Variants in PKP2 observed in about 807,000 individuals in gnomAD.
PKP2 encodes plakophilin-2.
Under a neutral mutation model 83.4 loss-of-function variants are expected in PKP2, and 73 were observed. That is an observed-to-expected ratio of 0.88 (90% CI 0.72 to 1.06). PKP2 has a LOEUF of 1.06. Among genes scored for constraint, PKP2 ranks in the 50% least tolerant of loss-of-function variants. The pLI is 0.00. For missense variants in PKP2, 966 were observed against 1,065.4 expected (o/e 0.91, Z 1.30); for synonymous variants, 409 against 430.4 (o/e 0.95, Z 0.62).
Position 32,796,308 on chromosome 12 carries a change from G to GA in PKP2, c.2168-11dup, listed in dbSNP as rs746936605. On this transcript the variant is annotated splice_polypyrimidine_tract_variant and intron_variant, in intron 10 of 12. Transcript: ENST00000340811. Reference sequence around the variant, plus strand: ...GGGAGAGTTTCTTTGGCTACAAAATGAAAAAAAAAACAAAACACTTGATTA... The same window carrying GA: ...GGGAGAGTTTCTTTGGCTACAAAATGAAAAAAAAAAACAAAACACTTGATTA... 21,569 of 1,299,552 alleles carry GA rather than the reference G, an allele frequency of 0.017. No individual in the cohort carries two copies. The highest frequency in any genetic ancestry group is 0.02 in the Non-Finnish European group (18,539 of 950,338). The allele number at this position is 1,299,552 out of a possible 1,614,324, so 80.5% of individuals were successfully genotyped here.
intron 4 of PKP2, among the ~76,000 whole-genome samples, chr12:32,855,707 C>G (rs1341651396): frequency 3.0e-5 from 4 of 135,476 alleles, no homozygotes; most frequent in Non-Finnish European, 6.1e-5. Flanking sequence ...ACCCGGGAGG[C>G]AGAGGTTGCA....
intron 2 of PKP2, 95 bp from the exon 3 acceptor site, chr12:32,878,638 G>T: frequency 9.8e-7 from 1 of 1,016,480 alleles, no homozygotes; most frequent in Non-Finnish European, 1.5e-6. Context: ...CAACATGTCC[G>T]TTTCTCTGAA....
intron 6 of PKP2, among the ~76,000 whole-genome samples, chr12:32,834,382 G>A (rs1328796433): frequency 1.3e-5 from 2 of 152,212 alleles, no homozygotes; most frequent in Admixed American, 1.3e-4. Flanking sequence ...GGCTGGACTA[G>A]CTAGCTGTCA....
chr12:32,846,266 C>T (rs937760115), intron 5 of PKP2, among the ~76,000 whole-genome samples: 4 of 151,954 alleles, frequency 2.6e-5, no homozygotes, highest in Admixed American at 6.6e-5. Context: ...TAAGATGTGC[C>T]GTTCTCATTT....
At position 32,878,750 on chromosome 12, in the gene PKP2, T is replaced by C. The variant is rs140124263; in HGVS notation, c.336+170A>G. ...ATTTGCACTAGGATGTAAGAATGTT[T>C]CACATCCCTAGTTTTCCATGGTATC... On this transcript the variant is annotated intron_variant, in intron 2 of 12. Coordinates refer to ENST00000340811, the MANE Select transcript of PKP2 (RefSeq NM_001005242.3). 2.5e-4 allele frequency among the ~76,000 whole-genome samples: 38 copies of C among 152,306 alleles called. 2 individuals are homozygous for C. In the East Asian group the frequency reaches 7.1e-3, roughly 29 times the overall value.
Position 32,822,651 on chromosome 12 carries a change from A to G in PKP2, c.1675-20T>C. 6.2e-7 allele frequency: 1 copy of G among 1,612,780 alleles called. No homozygotes were observed. Among genetic ancestry groups the G allele is most frequent in the Non-Finnish European group, 8.5e-7 (1 of 1,178,944 alleles). On this transcript the variant is annotated intron_variant, in intron 7 of 12. Transcript: ENST00000340811. ...CGTGGCCTGAGAAAACAGGACAAGA[A>G]TATTGATCGTATACATATAGATATC...
intron 4 of PKP2, 133 bp from the exon 5 acceptor site, chr12:32,851,106 AC>A: frequency 1.3e-6 from 1 of 742,488 alleles, no homozygotes; most frequent in Non-Finnish European, 2.3e-6. Context: ...GTGTAGCACA[AC>A]TGAGGCTCTT....
chr12:32,871,657 G>C (rs1956897785), intron 3 of PKP2, among the ~76,000 whole-genome samples: 1 of 151,984 alleles, frequency 6.6e-6, no homozygotes, highest in South Asian at 2.1e-4. Flanking sequence ...GTAGAGATGG[G>C]GTTTCACCAT....
intron 8 of PKP2, 39 bp from the exon 9 acceptor site, chr12:32,821,568 C>G: frequency 6.3e-7 from 1 of 1,592,302 alleles, no homozygotes; most frequent in Non-Finnish European, 8.6e-7. Flanking sequence ...TAATGCATGT[C>G]AGGTGATGGC....
At chr12:32,807,455 C>T (rs1956236607) in intron 9 of PKP2, among the ~76,000 whole-genome samples, 1 of 152,162 alleles carries the variant, frequency 6.6e-6, no homozygotes, top group Non-Finnish European at 1.5e-5. Flanking sequence ...GAAGACAGCA[C>T]ACCAATGGGG....
chr12:32,868,933 C>T lies in PKP2; in HGVS notation c.1164G>A (p.Arg388=), dbSNP rs1317005784. ...GACTGAAGATGACACTCACCCTCTTCCGAGCTTCAGATTTCTGGAAGCACT... is the reference window on the plus strand; with the variant it reads ...GACTGAAGATGACACTCACCCTCTTTCGAGCTTCAGATTTCTGGAAGCACT... ...QHECFQKSEA[R]KRVNQLRGIL... is the part of the protein sequence containing the mutation. The change falls in exon 4 of 13, where the codon CGG becomes CGA. Residue 388 remains arginine (R), a synonymous_variant. Transcript: ENST00000340811. The T allele has an allele frequency of 1.9e-6, 3 of 1,612,932 alleles. No homozygotes were observed. Among genetic ancestry groups the T allele is most frequent in the Non-Finnish European group, 2.5e-6 (3 of 1,180,000 alleles).
chr12:32,896,480 G>A, intron 1 of PKP2, 29 bp downstream of exon 1: 2 of 1,443,922 alleles, frequency 1.4e-6, no homozygotes, highest in Non-Finnish European at 1.8e-6. Context: ...GGCAGGGGGC[G>A]GCGCCGGGGA....
At chr12:32,824,189 A>C in intron 6 of PKP2, 27 bp from the exon 7 acceptor site, 1 of 1,449,892 alleles carries the variant, frequency 6.9e-7, no homozygotes, top group Non-Finnish European at 9.7e-7. Flanking sequence ...AAAACAAAAA[A>C]GTAAGTCTAG....
chr12:32,878,859 G>A, intron 2 of PKP2, 61 bp downstream of exon 2: 1 of 937,976 alleles, frequency 1.1e-6, no homozygotes, highest in South Asian at 1.3e-5. Context: ...ATCTTAGGAA[G>A]TTTGAAAATA....
chr12:32,808,640 CT>C (rs1377479673), intron 9 of PKP2, among the ~76,000 whole-genome samples: 3 of 152,188 alleles, frequency 2.0e-5, no homozygotes, highest in Non-Finnish European at 4.4e-5. Context: ...TGCATTGATT[CT>C]TTCTCATCTT....
intron 3 of PKP2, among the ~76,000 whole-genome samples, chr12:32,869,814 A>G (rs1412496792): frequency 1.3e-5 from 2 of 152,018 alleles, no homozygotes; most frequent in African/African-American, 4.8e-5. Flanking sequence ...GAGTCCAGGA[A>G]TTCAAGACCA....
At chr12:32,865,969 T>G (rs1956845227) in intron 4 of PKP2, among the ~76,000 whole-genome samples, 1 of 152,156 alleles carries the variant, frequency 6.6e-6, no homozygotes, top group African/African-American at 2.4e-5. Context: ...TCTTCTAACT[T>G]TTGAATAGAG....
intron 6 of PKP2, among the ~76,000 whole-genome samples, chr12:32,834,347 C>T (rs1956526706): frequency 6.6e-6 from 1 of 152,206 alleles, no homozygotes. Flanking sequence ...AGAATAAAGG[C>T]AGACCAGTGG....
At chr12:32,888,471 T>A (rs1277302326) in intron 1 of PKP2, among the ~76,000 whole-genome samples, 1 of 151,962 alleles carries the variant, frequency 6.6e-6, no homozygotes, top group East Asian at 1.9e-4. Context: ...GATTCATAAC[T>A]GCTAACCCAA....
Sources: allele counts gnomAD v4.1 joint callset (sites outside exome capture counted in the v4.1 genomes callset), GRCh38; gene constraint gnomAD v4.1.1; transcripts MANE v1.5; gene names NCBI Gene and HGNC (gene_info 2026-07-23, HGNC 2026-07-21).